The following BIRC6 variants were observed in gnomAD, a reference collection of about 807,000 sequenced individuals.
BIRC6 encodes dual E2 ubiquitin-conjugating enzyme/E3 ubiquitin-protein ligase BIRC6.
A neutral mutation model predicts 503.3 loss-of-function variants in BIRC6; 98 were observed. That is an observed-to-expected ratio of 0.19 (90% CI 0.17 to 0.23). The LOEUF (loss-of-function observed/expected upper bound fraction) is 0.23. Ranked by LOEUF, BIRC6 falls within the 10% of genes least tolerant of loss-of-function variation. The pLI is 1.00. For missense variants in BIRC6, 5,360 were observed against 5,806.0 expected, an observed-to-expected ratio of 0.92 and a Z score of 2.50; for synonymous variants, 2,240 against 2,078.7, an observed-to-expected ratio of 1.08 and a Z score of -2.11.
intron 65 of BIRC6, among the ~76,000 whole-genome samples, chr2:32,562,918 T>G (rs915278278): frequency 1.3e-5 from 2 of 152,260 alleles, no homozygotes; most frequent in African/African-American, 4.8e-5. Flanking sequence ...CAGATTTTTA[T>G]TCCCAGTTTT....
intron 11 of BIRC6, among the ~76,000 whole-genome samples, chr2:32,429,784 A>G (rs2043898163): frequency 6.6e-6 from 1 of 152,184 alleles, no homozygotes; most frequent in Admixed American, 6.5e-5. Flanking sequence ...CTGCCAAAAA[A>G]TCATTATTTG....
chr2:32,594,181 T>A, intron 67 of BIRC6, 121 bp downstream of exon 67: 1 of 1,163,560 alleles, frequency 8.6e-7, no homozygotes, highest in Non-Finnish European at 1.2e-6. Context: ...TTCATTTACC[T>A]AAAAATTTTG....
intron 71 of BIRC6, 104 bp from the exon 72 acceptor site, chr2:32,607,351 G>A (rs2062544561): frequency 1.3e-6 from 1 of 752,126 alleles, no homozygotes; most frequent in Non-Finnish European, 2.0e-6. Context: ...ATAGAAATTT[G>A]TGGAAACACA....
chr2:32,441,484 G>C (rs772195146), intron 17 of BIRC6, 22 bp downstream of exon 17: 2 of 1,591,504 alleles, frequency 1.3e-6, no homozygotes, highest in African/African-American at 1.3e-5. Context: ...GCATTATCTT[G>C]TTATTCTTAC....
rs761103967 is a variant in BIRC6, at chr2:32,524,977, G to A, written c.11713G>A (p.Glu3905Lys). 6.4e-7 allele frequency: 1 copy of A among 1,568,888 alleles called. No homozygotes were observed. Among genetic ancestry groups the A allele is most frequent in the Non-Finnish European group, 8.6e-7 (1 of 1,159,278 alleles). ...TGAAGAGAAAGAAAAAGTTAAAGCG[G>A]AAAATGGATTTCAAGACAATTACAG... ...NHEEKEKVKA[E>K]NGFQDNYSVV... The change falls in exon 58 of 74, where the codon GAA (glutamate) becomes AAA (lysine). Residue 3905 changes from glutamate (E) to lysine (K), a missense_variant. Glu to Lys is a moderately conservative substitution (Grantham distance 56, BLOSUM62 1). Coordinates refer to ENST00000421745, the MANE Select transcript of BIRC6 (RefSeq NM_016252.4).
At chr2:32,496,494 G>A (rs1009510638) in intron 45 of BIRC6, among the ~76,000 whole-genome samples, 2 of 152,272 alleles carry the variant, frequency 1.3e-5, no homozygotes, top group Non-Finnish European at 2.9e-5. Flanking sequence ...AAATTGCTGG[G>A]TTTACAAGCG....
chr2:32,553,178 CAA>C (rs1295494192), intron 65 of BIRC6, among the ~76,000 whole-genome samples: 8 of 77,590 alleles, frequency 1.0e-4, no homozygotes, highest in Non-Finnish European at 1.4e-4. Context: ...GCCTGGGTGA[CAA>C]GAGTGAAACT....
chr2:32,395,837 C>T (rs1000807062), intron 6 of BIRC6, among the ~76,000 whole-genome samples: 4 of 152,128 alleles, frequency 2.6e-5, no homozygotes, highest in Non-Finnish European at 4.4e-5. Context: ...CACGCTCTAA[C>T]GAAAACCGGA....
chr2:32,418,347 C>G (rs945707315), intron 10 of BIRC6, among the ~76,000 whole-genome samples: 7 of 152,146 alleles, frequency 4.6e-5, no homozygotes, highest in Admixed American at 6.5e-5. Context: ...CTTTAATATA[C>G]TATTATTGTC....
At chr2:32,445,355 C>G (rs1206221429) in intron 20 of BIRC6, among the ~76,000 whole-genome samples, 166 bp from the exon 21 acceptor site, 1 of 152,200 alleles carries the variant, frequency 6.6e-6, no homozygotes, top group Non-Finnish European at 1.5e-5. Context: ...CCTCTTTGAT[C>G]CCTCCAAGGA....
At chr2:32,388,722 C>A in intron 3 of BIRC6, 28 bp from the exon 4 acceptor site, 1 of 1,479,220 alleles carries the variant, frequency 6.8e-7, no homozygotes, top group Non-Finnish European at 9.1e-7. Flanking sequence ...GTACATTTTC[C>A]TTTGCTTATA....
chr2:32,449,716 A>G (rs2046472313), intron 22 of BIRC6, among the ~76,000 whole-genome samples: 1 of 152,254 alleles, frequency 6.6e-6, no homozygotes, highest in South Asian at 2.1e-4. Context: ...AAAAATATAA[A>G]TGAAATGTAA....
intron 65 of BIRC6, chr2:32,565,378 A>G (rs2059467422): frequency 6.6e-6 from 1 of 152,192 alleles, no homozygotes; most frequent in Admixed American, 6.5e-5. Context: ...GACATATTTT[A>G]TTAATTAAAT....
intron 37 of BIRC6, 45 bp from the exon 38 acceptor site, chr2:32,481,275 T>G: frequency 7.0e-7 from 1 of 1,431,684 alleles, no homozygotes. Flanking sequence ...ATCTAAATTT[T>G]ATGTGATACA....
At chr2:32,467,074 G>T (rs577068032) in intron 26 of BIRC6, among the ~76,000 whole-genome samples, 1 of 149,974 alleles carries the variant, frequency 6.7e-6, no homozygotes, top group Non-Finnish European at 1.5e-5. Flanking sequence ...AGCAGAGATC[G>T]CGCCACTGCA....
chr2:32,473,739 GTGTGTGTGTGTATT>G (rs1558828898), intron 33 of BIRC6, among the ~76,000 whole-genome samples: 1 of 134,904 alleles, frequency 7.4e-6, no homozygotes, highest in African/African-American at 2.8e-5. Flanking sequence ...GTGTGTGTGT[GTGTGTGTGTGTATT>G]TTTTTTTTTT....
At position 32,439,187 on chromosome 2, in the gene BIRC6, GTGCGTGTGTA is replaced by G. The variant is rs1244715823; in HGVS notation, c.3632-318_3632-309del. On this transcript the variant is annotated intron_variant, in intron 15 of 73. Coordinates refer to ENST00000421745, the MANE Select transcript of BIRC6 (RefSeq NM_016252.4). ...CTTAATGACAGTTTTGTGTGTGTGT[GTGCGTGTGTA>G]TGTGTGTGTGTAGTTGATGACATTT... 1.1e-3 allele frequency among the ~76,000 whole-genome samples: 172 copies of G among 149,820 alleles called. 1 individual carries two copies. Among genetic ancestry groups the G allele is most frequent in the African/African-American group, 4.1e-3 (163 of 39,592 alleles).
chr2:32,531,327 A>G (rs768579353), intron 60 of BIRC6, 28 bp from the exon 61 acceptor site: 7 of 1,556,556 alleles, frequency 4.5e-6, no homozygotes, highest in Non-Finnish European at 5.3e-6. Context: ...TTTCTTACCT[A>G]TTCAGTTATT....
chr2:32,503,012 G>A (rs1424162455), intron 48 of BIRC6, 30 bp from the exon 49 acceptor site: 12 of 1,538,420 alleles, frequency 7.8e-6, no homozygotes, highest in Admixed American at 2.1e-5. Context: ...TCCTGAGATC[G>A]ATTTCATTTC....
Sources: allele counts gnomAD v4.1 joint callset (sites outside exome capture counted in the v4.1 genomes callset), GRCh38; gene constraint gnomAD v4.1.1; transcripts MANE v1.5; gene names NCBI Gene and HGNC (gene_info 2026-07-23, HGNC 2026-07-21).